CSMD1: variants seen among roughly 807,000 people sequenced by gnomAD.
CSMD1 encodes the protein CUB and Sushi multiple domains 1.
In CSMD1, 213 loss-of-function variants were observed where a neutral mutation model predicts 417.5. That is an observed-to-expected ratio of 0.51 (90% CI 0.46 to 0.57). The LOEUF is 0.57. Among genes scored for constraint, CSMD1 ranks in the 20% least tolerant of loss-of-function variants. The probability of loss-of-function intolerance (pLI) is 0.00; values close to 1 mark genes in which losing one functional copy is unlikely to be tolerated. For synonymous variants in CSMD1, 2,862 were observed against 1,736.8 expected (o/e 1.65, Z -16.11); for missense variants, 6,923 against 4,529.7 (o/e 1.53, Z -15.17).
At chr8:4,224,914 C>T (rs1263614964) in intron 3 of CSMD1, among the ~76,000 whole-genome samples, 3 of 151,868 alleles carry the variant, frequency 2.0e-5, no homozygotes, top group African/African-American at 7.3e-5. Flanking sequence ...GTCCAAAGGC[C>T]AGCCTTCCCA....
chr8:3,962,594 T>C (rs1221929501), intron 5 of CSMD1, among the ~76,000 whole-genome samples: 5 of 152,052 alleles, frequency 3.3e-5, no homozygotes, highest in African/African-American at 1.2e-4. Flanking sequence ...AAATCCATGC[T>C]ATGAAGAGGA....
At chr8:3,313,009 G>T (rs1805469665) in intron 23 of CSMD1, among the ~76,000 whole-genome samples, 2 of 152,060 alleles carry the variant, frequency 1.3e-5, no homozygotes, top group Admixed American at 1.3e-4. Context: ...TTTGAATATT[G>T]GTAAAATAAG....
intron 1 of CSMD1, among the ~76,000 whole-genome samples, chr8:4,947,234 A>T (rs1298416178): frequency 1.3e-5 from 2 of 152,318 alleles, no homozygotes; most frequent in African/African-American, 4.8e-5. Context: ...GTCTGACTTC[A>T]AACAGTGAAA....
chr8:3,788,051 C>A (rs533549926), intron 5 of CSMD1, among the ~76,000 whole-genome samples: 22 of 152,256 alleles, frequency 1.4e-4, no homozygotes, highest in African/African-American at 4.8e-4. Flanking sequence ...CACACACTGG[C>A]TCAAAAAGCC....
At chr8:4,034,401 A>G (rs569214488) in intron 3 of CSMD1, among the ~76,000 whole-genome samples, 88 of 152,364 alleles carry the variant, frequency 5.8e-4, no homozygotes, top group African/African-American at 2.0e-3. Context: ...TGAAAACACA[A>G]CAGAAAATAG....
chr8:3,549,176 C>T (rs1171997963), intron 10 of CSMD1, among the ~76,000 whole-genome samples: 1 of 152,198 alleles, frequency 6.6e-6, no homozygotes, highest in Non-Finnish European at 1.5e-5. Context: ...GCTCACGGTC[C>T]ACATCCAGTC....
chr8:4,258,102 C>A (rs1803590095), intron 3 of CSMD1, among the ~76,000 whole-genome samples: 1 of 151,420 alleles, frequency 6.6e-6, no homozygotes, highest in Non-Finnish European at 1.5e-5. Context: ...TGCTACCATT[C>A]CCGGCTATTT....
intron 9 of CSMD1, among the ~76,000 whole-genome samples, chr8:3,583,621 C>T (rs1349261464): frequency 1.3e-5 from 2 of 151,950 alleles, no homozygotes; most frequent in African/African-American, 4.8e-5. Context: ...ATAGGAAAGA[C>T]ATAAACTGAG....
chr8:3,390,475 G>T (rs1811286724), intron 17 of CSMD1, among the ~76,000 whole-genome samples: 1 of 151,768 alleles, frequency 6.6e-6, no homozygotes, highest in South Asian at 2.1e-4. Flanking sequence ...TTACCTTGTG[G>T]GAAAGGTAGG....
chr8:4,520,894 G>T (rs1803409748), intron 2 of CSMD1, among the ~76,000 whole-genome samples: 1 of 152,062 alleles, frequency 6.6e-6, no homozygotes, highest in Admixed American at 6.6e-5. Context: ...ATGACATGTT[G>T]AAATATTTTG....
intron 2 of CSMD1, among the ~76,000 whole-genome samples, chr8:4,635,828 A>G (rs914368545): frequency 3.3e-5 from 5 of 152,126 alleles, no homozygotes; most frequent in Admixed American, 6.5e-5. Context: ...ACATAAGACC[A>G]TAAATGTAAT....
intron 11 of CSMD1, among the ~76,000 whole-genome samples, chr8:3,483,223 T>C (rs547556982): frequency 2.0e-5 from 3 of 151,836 alleles, no homozygotes; most frequent in East Asian, 1.9e-4. Context: ...ATAAGAACAC[T>C]TGCAGAAAGT....
chr8:4,182,021 C>T (rs1313400300), intron 3 of CSMD1, among the ~76,000 whole-genome samples: 11 of 135,284 alleles, frequency 8.1e-5, no homozygotes, highest in Non-Finnish European at 1.5e-4. Context: ...AACTCATACA[C>T]ACCCGTGTGT....
chr8:4,225,996 T>C (rs958933901), intron 3 of CSMD1, among the ~76,000 whole-genome samples: 1 of 151,876 alleles, frequency 6.6e-6, no homozygotes, highest in African/African-American at 2.4e-5. Flanking sequence ...AGAGGTATGT[T>C]AAAATAAATT....
At chr8:4,044,125 C>A (rs1414783449) in intron 3 of CSMD1, among the ~76,000 whole-genome samples, 1 of 152,154 alleles carries the variant, frequency 6.6e-6, no homozygotes, top group Non-Finnish European at 1.5e-5. Flanking sequence ...TTCTGGCTCA[C>A]ATGTTCTCAT....
At chr8:4,148,307 G>T (rs143497713) in intron 3 of CSMD1, among the ~76,000 whole-genome samples, 161 of 142,296 alleles carry the variant, frequency 1.1e-3, no homozygotes, top group African/African-American at 3.9e-3. Context: ...TCATAGGTGG[G>T]AATTGAACAA....
intron 2 of CSMD1, among the ~76,000 whole-genome samples, chr8:4,536,899 G>T (rs1312034117): frequency 6.6e-6 from 1 of 152,204 alleles, no homozygotes; most frequent in East Asian, 1.9e-4. Context: ...CAGACTCTCA[G>T]GGAGAAATTG....
chr8:4,345,385 C>T (rs767942664), intron 3 of CSMD1, among the ~76,000 whole-genome samples: 4 of 151,836 alleles, frequency 2.6e-5, no homozygotes, highest in African/African-American at 7.3e-5. Flanking sequence ...CACACTTATG[C>T]AATAGAGTAT....
chr8:3,413,452 C>T (rs1280493085), intron 12 of CSMD1, among the ~76,000 whole-genome samples: 2 of 152,252 alleles, frequency 1.3e-5, no homozygotes, highest in Non-Finnish European at 1.5e-5. Flanking sequence ...GTGGACAGAA[C>T]CTGTGTTGGA....
Sources: allele counts gnomAD v4.1 joint callset (sites outside exome capture counted in the v4.1 genomes callset), GRCh38; gene constraint gnomAD v4.1.1; transcripts MANE v1.5; gene names NCBI Gene and HGNC (gene_info 2026-07-23, HGNC 2026-07-21).